LPP: variants seen among roughly 807,000 people sequenced by gnomAD.
LPP encodes the protein lipoma-preferred partner.
Under a neutral mutation model 60.4 loss-of-function variants are expected in LPP, and 38 were observed. The ratio of observed to expected loss-of-function variants is 0.63; its 90% confidence interval spans 0.49 to 0.83. LPP has a LOEUF of 0.83. Ranked by LOEUF, LPP falls within the 40% of genes least tolerant of loss-of-function variation. The probability of loss-of-function intolerance (pLI) is 0.00; values close to 1 mark genes in which losing one functional copy is unlikely to be tolerated. For synonymous variants in LPP, 328 were observed against 290.8 expected (o/e 1.13, Z -1.30); for missense variants, 902 against 783.6 (o/e 1.15, Z -1.80).
chr3:188,863,556 G>T (rs576511407), intron 9 of LPP, among the ~76,000 whole-genome samples: 30 of 152,042 alleles, frequency 2.0e-4, no homozygotes, highest in Admixed American at 3.9e-4. Context: ...TTCCTTTCTC[G>T]AAGGCTACTG....
chr3:188,870,665 T>C (rs1479076503), intron 10 of LPP, among the ~76,000 whole-genome samples: 6 of 152,214 alleles, frequency 3.9e-5, no homozygotes, highest in South Asian at 4.1e-4. Context: ...GTTGTTTTCA[T>C]CAAATTTACT....
In LPP at chr3:188,874,689, T is replaced by G; in HGVS notation, c.*210T>G. 1 of 526,700 alleles carries G rather than the reference T, an allele frequency of 1.9e-6. No homozygotes were observed. The highest frequency in any genetic ancestry group is 3.3e-5 in the South Asian group (1 of 30,342). The allele number at this position is 526,700 out of a possible 1,614,324, so 32.6% of individuals were successfully genotyped here. ...GAATCATGTAGGATCTTGATGGGCC[T>G]TTGTTCCCAAGGACTTCCACATTTT... is the stretch of plus-strand genomic sequence containing the variant. On this transcript the variant is annotated 3_prime_UTR_variant, in exon 12 of 12. Transcript: ENST00000617246.
chr3:188,598,570 C>T (rs1474852035), intron 6 of LPP, among the ~76,000 whole-genome samples: 1 of 152,096 alleles, frequency 6.6e-6, no homozygotes, highest in Non-Finnish European at 1.5e-5. Context: ...TTTAAAATAT[C>T]TGTTAACCTT....
rs137887450 is a variant in LPP, at chr3:188,760,373, C to A, written c.1410+91C>A. 6.9e-4 allele frequency: 933 copies of A among 1,360,086 alleles called. 10 individuals are homozygous for A. The African/African-American group carries it at 0.011, about 16-fold the overall frequency. 84.3% of individuals were successfully genotyped at this position (1,360,086 alleles called of 1,614,324 possible). On this transcript the variant is annotated intron_variant, in intron 9 of 11. Coordinates refer to ENST00000617246, the MANE Select transcript of LPP (RefSeq NM_001375462.1). ...TCTAGATAGAATATAGCCATCAGAT[C>A]TTTGCTTCTTCCTAGACTTCAAAAT...
intron 2 of LPP, among the ~76,000 whole-genome samples, chr3:188,323,814 C>A (rs1757603201): frequency 6.6e-6 from 1 of 152,202 alleles, no homozygotes; most frequent in Non-Finnish European, 1.5e-5. Context: ...CCTATGGATT[C>A]AGCTTGTTAG....
intron 7 of LPP, among the ~76,000 whole-genome samples, chr3:188,668,685 G>A (rs141274215): frequency 2.0e-5 from 3 of 152,294 alleles, no homozygotes; most frequent in East Asian, 1.9e-4. Flanking sequence ...TGGAACAGAC[G>A]TGCAAGATCA....
intron 3 of LPP, among the ~76,000 whole-genome samples, chr3:188,404,781 AG>A (rs1783049719): frequency 6.6e-6 from 1 of 152,134 alleles, no homozygotes; most frequent in Admixed American, 6.5e-5. Flanking sequence ...TAATTAATTC[AG>A]TTCAATTAAT....
chr3:188,669,195 G>A (rs1856427209), intron 7 of LPP, among the ~76,000 whole-genome samples: 1 of 152,092 alleles, frequency 6.6e-6, no homozygotes, highest in Non-Finnish European at 1.5e-5. Flanking sequence ...TGTTCACCCT[G>A]AGATTGGTAA....
At chr3:188,212,542 T>A (rs986384765) in intron 1 of LPP, 3 of 152,160 alleles carry the variant, frequency 2.0e-5, no homozygotes, top group Non-Finnish European at 2.9e-5. Context: ...TATTTGGAAA[T>A]GTTTACCCAC....
intron 6 of LPP, among the ~76,000 whole-genome samples, chr3:188,592,563 TAA>T (rs1839112715): frequency 1.3e-5 from 1 of 77,232 alleles, no homozygotes; most frequent in African/African-American, 4.7e-5. Context: ...TTTTGTTTTT[TAA>T]ATGGAGTCTC....
rs555932414 is a variant in LPP, at chr3:188,368,426, G to A, written c.-10+26707G>A. On this transcript the variant is annotated intron_variant, in intron 3 of 11. Coordinates refer to ENST00000617246, the MANE Select transcript of LPP (RefSeq NM_001375462.1). Reference sequence around the variant, plus strand: ...TATGTCTTTAGGATATTAGCTTTTCGTTAAGCTGGAAGGGTCCTCAGAGAT... The same window carrying A: ...TATGTCTTTAGGATATTAGCTTTTCATTAAGCTGGAAGGGTCCTCAGAGAT... Among the ~76,000 whole-genome samples, 6 of 150,262 alleles carry A rather than the reference G, an allele frequency of 4.0e-5. No homozygotes were observed. The South Asian group carries it at 1.1e-3, about 26-fold the overall frequency.
intron 6 of LPP, 89 bp downstream of exon 6, chr3:188,524,876 T>C: frequency 7.7e-7 from 1 of 1,303,414 alleles, no homozygotes; most frequent in South Asian, 1.6e-5. Flanking sequence ...AGAGCTTATT[T>C]CCCCTTCCTT....
In LPP at chr3:188,851,423, C is replaced by T. The variant is rs143859984; in HGVS notation, c.1411-14777C>T. ...CAAATAATCCCATACCAGTGTATTA[C>T]GCTTTTGCAGGGATAATCAAGAGCT... On this transcript the variant is annotated intron_variant, in intron 9 of 11. Transcript: ENST00000617246. 3.8e-3 allele frequency among the ~76,000 whole-genome samples: 582 copies of T among 152,258 alleles called. 1 individual carries two copies. Among genetic ancestry groups the T allele is most frequent in the African/African-American group, 0.013 (555 of 41,550 alleles).
In LPP at chr3:188,640,171, T is replaced by G. The variant is rs1580617817; in HGVS notation, c.1113+30327T>G. 2.7e-5 allele frequency among the ~76,000 whole-genome samples: 4 copies of G among 149,900 alleles called. No individual in the cohort carries two copies. The South Asian group carries it at 8.5e-4, about 32-fold the overall frequency. On this transcript the variant is annotated intron_variant, in intron 7 of 11. Coordinates refer to ENST00000617246, the MANE Select transcript of LPP (RefSeq NM_001375462.1). ...AAGAAAATGTGGCACATATACACCA[T>G]GGAATACTATGCAGCCATAAAAAAT... is the stretch of plus-strand genomic sequence containing the variant.
intron 7 of LPP, among the ~76,000 whole-genome samples, chr3:188,665,031 C>T (rs985881804): frequency 1.3e-5 from 2 of 152,150 alleles, no homozygotes; most frequent in African/African-American, 2.4e-5. Context: ...TCTTCAGTGA[C>T]CACGTCTTTG....
At chr3:188,355,206 A>T (rs1340731611) in intron 3 of LPP, among the ~76,000 whole-genome samples, 1 of 151,848 alleles carries the variant, frequency 6.6e-6, no homozygotes, top group African/African-American at 2.4e-5. Flanking sequence ...ACAGGGTTTC[A>T]CCATATTGGC....
intron 9 of LPP, among the ~76,000 whole-genome samples, chr3:188,799,174 C>T (rs940466276): frequency 1.3e-5 from 2 of 152,224 alleles, no homozygotes; most frequent in Non-Finnish European, 2.9e-5. Context: ...TAAATAGAAG[C>T]TCTCACTCAG....
At chr3:188,692,354 A>T (rs75995292) in intron 7 of LPP, among the ~76,000 whole-genome samples, 2,621 of 152,350 alleles carry the variant, frequency 0.017, 61 homozygotes, top group African/African-American at 0.057. Flanking sequence ...AGAGGGACAT[A>T]AAGGTTGGAG....
At chr3:188,160,055 G>A (rs1428414138) in intron 1 of LPP, among the ~76,000 whole-genome samples, 1 of 152,096 alleles carries the variant, frequency 6.6e-6, no homozygotes, top group East Asian at 1.9e-4. Flanking sequence ...TGGGATTACA[G>A]GTGCCCGCCA....
Sources: gnomAD v4.1 joint callset for allele counts (sites outside exome capture counted in the v4.1 genomes callset) on GRCh38, gnomAD v4.1.1 for gene constraint, MANE v1.5 for transcripts, NCBI Gene and HGNC (gene_info 2026-07-23, HGNC 2026-07-21) for gene names.